Variants in SAMSN1 observed in about 807,000 individuals in gnomAD.
SAMSN1 encodes the protein SAM domain-containing protein SAMSN-1.
SAMSN1 carries 31 observed loss-of-function variants against 42.0 expected under a neutral mutation model. The observed-to-expected ratio is 0.74, with a 90% CI of 0.55 to 1.00. The LOEUF (loss-of-function observed/expected upper bound fraction) is 1.00. Among genes scored for constraint, SAMSN1 ranks in the 50% least tolerant of loss-of-function variants. SAMSN1 has a pLI of 0.00. For missense variants in SAMSN1, 464 were observed against 439.4 expected (o/e 1.06, Z -0.50); for synonymous variants, 178 against 151.9 (o/e 1.17, Z -1.26).
intron 1 of SAMSN1, among the ~76,000 whole-genome samples, chr21:14,656,572 A>G (rs1233150300): frequency 1.3e-5 from 2 of 151,846 alleles, no homozygotes; most frequent in Non-Finnish European, 2.9e-5. Context: ...GTAAAACTCT[A>G]AGAAAAATTG....
intron 2 of SAMSN1, among the ~76,000 whole-genome samples, chr21:14,520,012 C>A (rs1161700153): frequency 6.6e-6 from 1 of 152,120 alleles, no homozygotes; most frequent in Non-Finnish European, 1.5e-5. Context: ...ATGAAGCAAG[C>A]ATATTTCTGC....
intron 1 of SAMSN1, chr21:14,582,637 A>G (rs1981779962): frequency 2.3e-6 from 1 of 426,098 alleles, no homozygotes; most frequent in Non-Finnish European, 4.2e-6. Context: ...AGCAGCATTT[A>G]TTTAAAAAGC....
rs982918557 is a variant in SAMSN1 at position 14,620,194 on chromosome 21, A to G, written c.157-4178T>C. Among the ~76,000 whole-genome samples the G allele has an allele frequency of 5.3e-5, 8 of 152,122 alleles. 1 individual carries two copies. Among genetic ancestry groups the G allele is most frequent in the Admixed American group, 2.6e-4 (4 of 15,270 alleles). On this transcript the variant is annotated intron_variant, in intron 2 of 15. Coordinates refer to the SAMSN1 transcript ENST00000647101. Reference sequence around the variant, plus strand: ...TTCCTTCACTTCAAGATAGTCAATGATATGGTTAGGCTTTGTGTCCCCACC... The same window carrying G: ...TTCCTTCACTTCAAGATAGTCAATGGTATGGTTAGGCTTTGTGTCCCCACC...
chr21:14,615,841 C>T (rs1001716368), intron 3 of SAMSN1: 22 of 321,750 alleles, frequency 6.8e-5, no homozygotes, highest in Middle Eastern at 4.8e-4. Flanking sequence ...CAATCCACAT[C>T]TAGATTTGTA....
intron 4 of SAMSN1, among the ~76,000 whole-genome samples, chr21:14,610,542 G>A (rs776510365): frequency 1.9e-4 from 29 of 151,990 alleles, no homozygotes; most frequent in African/African-American, 6.0e-4. Flanking sequence ...CACCCTATTC[G>A]TGCACTCCCT....
chr21:14,560,026 C>G (rs1980896138), intron 2 of SAMSN1, among the ~76,000 whole-genome samples: 2 of 152,078 alleles, frequency 1.3e-5, no homozygotes, highest in African/African-American at 4.8e-5. Context: ...ATGAACTGTG[C>G]CTTCCAAGAC....
intron 2 of SAMSN1, among the ~76,000 whole-genome samples, chr21:14,636,283 A>G (rs1161074938): frequency 6.6e-6 from 1 of 152,152 alleles, no homozygotes; most frequent in African/African-American, 2.4e-5. Context: ...TTTTCCTACC[A>G]TCGTTCCCTC....
rs748577504 is a variant in SAMSN1 at position 14,612,856 on chromosome 21, T to C, written c.235+20A>G. The stretch of plus-strand genomic sequence containing the variant: ...AGACAGAATACATCGTTTACACTTG[T>C]AACCTTAGGAATCACTAACCAAATA... On this transcript the variant is annotated intron_variant, in intron 4 of 15. Transcript: ENST00000647101. 1.7e-5 allele frequency: 12 copies of C among 705,060 alleles called. No individual in the cohort carries two copies. In the Middle Eastern group the frequency reaches 1.2e-3, roughly 68 times the overall value. 43.7% of individuals were successfully genotyped at this position (705,060 alleles called of 1,614,324 possible).
intron 2 of SAMSN1, among the ~76,000 whole-genome samples, chr21:14,576,753 A>G (rs1480808580): frequency 6.6e-6 from 1 of 152,116 alleles, no homozygotes; most frequent in East Asian, 1.9e-4. Flanking sequence ...AGCTTTGTTT[A>G]TGTTCTCACC....
chr21:14,584,846 A>G (rs1981869432), upstream of SAMSN1, among the ~76,000 whole-genome samples: 1 of 152,212 alleles, frequency 6.6e-6, no homozygotes. Flanking sequence ...CCTTTTAAGG[A>G]GACTATAAGC....
chr21:14,641,322 G>T (rs1048101301), intron 2 of SAMSN1, among the ~76,000 whole-genome samples: 5 of 152,010 alleles, frequency 3.3e-5, no homozygotes, highest in Non-Finnish European at 7.4e-5. Flanking sequence ...TTCTAACATT[G>T]CTTTCTAATT....
intron 1 of SAMSN1, among the ~76,000 whole-genome samples, chr21:14,539,725 A>G (rs1334841744): frequency 1.3e-5 from 2 of 152,174 alleles, no homozygotes; most frequent in Non-Finnish European, 2.9e-5. Flanking sequence ...TGCCCAAGGT[A>G]ATTTATAGAT....
intron 5 of SAMSN1, among the ~76,000 whole-genome samples, chr21:14,501,060 G>A (rs189376844): frequency 2.0e-4 from 30 of 150,728 alleles, no homozygotes; most frequent in Admixed American, 2.0e-3. Context: ...TCTGTAGACT[G>A]AGGTGGGAGG....
chr21:14,577,278 ATATATATT>A (rs1568816230), intron 2 of SAMSN1, among the ~76,000 whole-genome samples: 23 of 47,592 alleles, frequency 4.8e-4, no homozygotes, highest in Non-Finnish European at 6.6e-4. Context: ...ATATATATAT[ATATATATT>A]TTTTTTTTAG....
At chr21:14,626,218 G>T (rs1983165657) in intron 2 of SAMSN1, among the ~76,000 whole-genome samples, 1 of 152,116 alleles carries the variant, frequency 6.6e-6, no homozygotes, top group South Asian at 2.1e-4. Context: ...CATAGGCATG[G>T]GCAAGGACTT....
rs1206977431 is a variant in SAMSN1, at chr21:14,577,265, TATATATATATATATATA to T, written c.261+4854_261+4870del. On this transcript the variant is annotated intron_variant, in intron 2 of 8. Transcript: ENST00000285670. ...ATATATATATATATATATATATATA[TATATATATATATATATA>T]TATTTTTTTTTTAGAAGAGACAGGG... is the stretch of plus-strand genomic sequence containing the variant. 1.9e-3 allele frequency among the ~76,000 whole-genome samples: 100 copies of T among 52,906 alleles called. 14 individuals carry two copies. Among genetic ancestry groups the T allele is most frequent in the African/African-American group, 9.5e-3 (88 of 9,234 alleles). The allele number at this position is 52,906 out of a possible 152,430, so 34.7% of individuals were successfully genotyped here.
intron 2 of SAMSN1, among the ~76,000 whole-genome samples, chr21:14,561,873 C>T (rs910109105): frequency 1.3e-5 from 2 of 152,106 alleles, no homozygotes; most frequent in African/African-American, 4.8e-5. Context: ...ATTATGCCAC[C>T]ATGAATCAAG....
chr21:14,604,994 A>T (rs1326894144), intron 5 of SAMSN1, among the ~76,000 whole-genome samples: 1 of 152,262 alleles, frequency 6.6e-6, no homozygotes, highest in African/African-American at 2.4e-5. Flanking sequence ...ACAATAGATT[A>T]TCAGAACATG....
chr21:14,496,084 AGT>A (rs1351761138), intron 7 of SAMSN1: 1 of 152,192 alleles, frequency 6.6e-6, no homozygotes, highest in Non-Finnish European at 1.5e-5. Context: ...TATTGCTGAA[AGT>A]GCTGCTTGCC....
Sources: gnomAD v4.1 joint callset for allele counts (sites outside exome capture counted in the v4.1 genomes callset) on GRCh38, gnomAD v4.1.1 for gene constraint, MANE v1.5 for transcripts, NCBI Gene and HGNC (gene_info 2026-07-23, HGNC 2026-07-21) for gene names.